SPART: variants seen among roughly 807,000 people sequenced by gnomAD.
SPART encodes the protein spastic paraplegia 20 (Troyer syndrome).
SPART carries 35 observed loss-of-function variants against 58.7 expected under a neutral mutation model. That is an observed-to-expected ratio of 0.60 (90% CI 0.46 to 0.79). The LOEUF is 0.79. SPART is among the 30% of genes least tolerant of loss of function. SPART has a pLI of 0.00. For missense variants in SPART, 730 were observed against 786.1 expected (o/e 0.93, Z 0.85); for synonymous variants, 284 against 280.7 (o/e 1.01, Z -0.12).
rs550060319 is a variant in SPART, at chr13:36,367,409, C to T, written c.-3+2680G>A. On this transcript the variant is annotated intron_variant, in intron 1 of 8. Transcript: ENST00000355182. ...TACGTGAATGACATGCCTAGTCAAA[C>T]GAATCCCCTGAGCCCTATGCAAATC... Among the ~76,000 whole-genome samples the T allele has an allele frequency of 9.2e-5, 14 of 152,206 alleles. No homozygotes were observed. In the East Asian group the frequency reaches 2.3e-3, roughly 25 times the overall value.
chr13:36,351,238 G>A (rs560716905), upstream of SPART, among the ~76,000 whole-genome samples: 1 of 152,056 alleles, frequency 6.6e-6, no homozygotes, highest in Non-Finnish European at 1.5e-5. Context: ...AGGAGGCTGA[G>A]GCAGAAGGAT....
At position 36,302,615 on chromosome 13, in the gene SPART, T is replaced by G. The variant is rs1880095574; in HGVS notation, c.*1750A>C. On this transcript the variant is annotated 3_prime_UTR_variant, in exon 9 of 9. Transcript: ENST00000438666. Reference sequence around the variant, plus strand: ...TTTGCCATTCCATTTCTTTTTAAATTTTTATGGGTACATGGTAGGTGTATA... The same window carrying G: ...TTTGCCATTCCATTTCTTTTTAAATGTTTATGGGTACATGGTAGGTGTATA... 6.6e-6 allele frequency: 1 copy of G among 152,158 alleles called. No homozygotes were observed. Among genetic ancestry groups the G allele is most frequent in the Non-Finnish European group, 1.5e-5 (1 of 68,016 alleles). The allele number at this position is 152,158 out of a possible 1,614,324, so 9.4% of individuals were successfully genotyped here.
chr13:36,352,713 G>A (rs2137695313), intron 1 of SPART, among the ~76,000 whole-genome samples: 1 of 151,720 alleles, frequency 6.6e-6, no homozygotes, highest in South Asian at 2.1e-4. Context: ...TTGGGAGGCT[G>A]AGGTGGGAGG....
At chr13:36,341,755 T>A (rs1377743893) in intron 1 of SPART, among the ~76,000 whole-genome samples, 1 of 152,218 alleles carries the variant, frequency 6.6e-6, no homozygotes, top group Non-Finnish European at 1.5e-5. Flanking sequence ...TCAGCCTTAT[T>A]ATGCAACAAC....
intron 2 of SPART, among the ~76,000 whole-genome samples, chr13:36,332,019 T>C (rs1299087276): frequency 2.0e-5 from 3 of 152,230 alleles, no homozygotes; most frequent in African/African-American, 7.2e-5. Context: ...TATTTACTGA[T>C]TTAATCCTCC....
intron 1 of SPART, among the ~76,000 whole-genome samples, chr13:36,339,567 G>C (rs2137595237): frequency 7.3e-6 from 1 of 137,504 alleles, no homozygotes; most frequent in East Asian, 2.2e-4. Flanking sequence ...GAAGGCAGAG[G>C]TTGCACTGAG....
chr13:36,334,461 C>T (rs1160180325), intron 2 of SPART, among the ~76,000 whole-genome samples: 1 of 152,048 alleles, frequency 6.6e-6, no homozygotes, highest in East Asian at 1.9e-4. Context: ...TTCATGAGGG[C>T]TGTCCTGTGA....
chr13:36,349,485 A>G (rs1885328396), upstream of SPART, among the ~76,000 whole-genome samples: 2 of 152,302 alleles, frequency 1.3e-5, no homozygotes, highest in South Asian at 4.1e-4. Flanking sequence ...TGGGTCCTAC[A>G]GTGCCCAGTA....
intron 5 of SPART, among the ~76,000 whole-genome samples, chr13:36,324,628 G>A (rs1404993757): frequency 6.6e-6 from 1 of 152,154 alleles, no homozygotes; most frequent in Non-Finnish European, 1.5e-5. Flanking sequence ...CTTTGGGTTT[G>A]GGGCAGTTTG....
chr13:36,319,844 C>A (rs1231070112), intron 5 of SPART, among the ~76,000 whole-genome samples: 4 of 150,832 alleles, frequency 2.7e-5, no homozygotes, highest in African/African-American at 9.7e-5. Flanking sequence ...TTCAATCAAG[C>A]CCAAATTTCT....
intron 1 of SPART, among the ~76,000 whole-genome samples, chr13:36,357,834 G>A (rs1042595881): frequency 4.3e-4 from 66 of 152,140 alleles, no homozygotes; most frequent in Non-Finnish European, 1.5e-5. Flanking sequence ...ATGAATTGCT[G>A]GCAAAATCCA....
At position 36,340,371 on chromosome 13, in the gene SPART, A is replaced by G. The variant is rs181983900; in HGVS notation, c.-2-4539T>C. Among the ~76,000 whole-genome samples the G allele has an allele frequency of 6.8e-4, 103 of 150,810 alleles. 2 individuals carry two copies. In the East Asian group the frequency reaches 0.018, roughly 26 times the overall value. ...GAGCAAGACTCTGTTTCAAAAAAAT[A>G]AAAATAAATAAATAAATAAGAAAAA... On this transcript the variant is annotated intron_variant, in intron 1 of 8. Transcript: ENST00000438666.
chr13:36,336,326 C>T (rs1883999943), intron 1 of SPART: 1 of 154,686 alleles, frequency 6.5e-6, no homozygotes, highest in Admixed American at 6.4e-5. Context: ...CCCACACAGC[C>T]CTGTTGCTTC....
At chr13:36,313,378 C>CA (rs1364777921) in intron 6 of SPART, among the ~76,000 whole-genome samples, 1 of 152,174 alleles carries the variant, frequency 6.6e-6, no homozygotes, top group Non-Finnish European at 1.5e-5. Flanking sequence ...CCACAGCCGC[C>CA]ATAACATCAT....
At chr13:36,348,265 A>G (rs912731446), upstream of SPART, among the ~76,000 whole-genome samples, 3 of 152,236 alleles carry the variant, frequency 2.0e-5, no homozygotes, top group Non-Finnish European at 4.4e-5. Context: ...AGCCTGGGCA[A>G]TAGAGCCAGA....
intron 1 of SPART, among the ~76,000 whole-genome samples, chr13:36,369,262 A>G (rs1021187374): frequency 9.2e-5 from 14 of 152,178 alleles, no homozygotes; most frequent in Non-Finnish European, 2.1e-4. Context: ...AAAAAATGGT[A>G]GAGTTATTAG....
chr13:36,351,195 T>C (rs1202908807), upstream of SPART, among the ~76,000 whole-genome samples: 4 of 152,028 alleles, frequency 2.6e-5, no homozygotes, highest in Non-Finnish European at 5.9e-5. Context: ...TCAAGCCAGG[T>C]GCAGCAGCTC....
chr13:36,339,139 T>C (rs1467397571), intron 1 of SPART, among the ~76,000 whole-genome samples: 2 of 150,052 alleles, frequency 1.3e-5, no homozygotes, highest in African/African-American at 4.9e-5. Flanking sequence ...AAAGAAAATA[T>C]CGCATCCATA....
intron 2 of SPART, among the ~76,000 whole-genome samples, 163 bp downstream of exon 2, chr13:36,334,852 GACAAAC>G (rs947106977): frequency 6.6e-6 from 1 of 151,690 alleles, no homozygotes; most frequent in Non-Finnish European, 1.5e-5. Context: ...AAAAGAAAAA[GACAAAC>G]ACAAACATGT....
Sources: allele counts gnomAD v4.1 joint callset (sites outside exome capture counted in the v4.1 genomes callset), GRCh38; gene constraint gnomAD v4.1.1; transcripts MANE v1.5; gene names NCBI Gene and HGNC (gene_info 2026-07-23, HGNC 2026-07-21).